Variants in ARHGAP10 observed in about 807,000 individuals in gnomAD.
ARHGAP10 encodes the protein rho GTPase-activating protein 10.
ARHGAP10 carries 87 observed loss-of-function variants against 108.6 expected under a neutral mutation model. The observed-to-expected ratio is 0.80, with a 90% CI of 0.67 to 0.96. The LOEUF (loss-of-function observed/expected upper bound fraction) is 0.96, where lower values mean the gene tolerates loss of function less well. Among genes scored for constraint, ARHGAP10 ranks in the 40% least tolerant of loss-of-function variants. ARHGAP10 has a pLI of 0.00. For synonymous variants in ARHGAP10, 347 were observed against 341.1 expected (o/e 1.02, Z -0.19); for missense variants, 939 against 954.5 (o/e 0.98, Z 0.21).
At chr4:147,910,492 G>T (rs72959712) in intron 12 of ARHGAP10, among the ~76,000 whole-genome samples, 5,448 of 152,234 alleles carry the variant, frequency 0.036, 320 homozygotes, top group African/African-American at 0.12. Context: ...TCGAGGCCCT[G>T]TTTCCTAGCC....
intron 20 of ARHGAP10, among the ~76,000 whole-genome samples, chr4:148,059,245 C>T (rs1729495604): frequency 6.6e-6 from 1 of 152,146 alleles, no homozygotes; most frequent in Non-Finnish European, 1.5e-5. Context: ...CTGTATATTT[C>T]TTCTGTCTTG....
At chr4:147,751,190 C>CA (rs35941586) in intron 1 of ARHGAP10, among the ~76,000 whole-genome samples, 5 of 150,344 alleles carry the variant, frequency 3.3e-5, no homozygotes, top group East Asian at 2.0e-4. Context: ...AAACCAAAAA[C>CA]AAAAAAAACA....
intron 4 of ARHGAP10, among the ~76,000 whole-genome samples, chr4:147,848,074 C>T (rs906742599): frequency 2.1e-5 from 3 of 141,762 alleles, no homozygotes; most frequent in East Asian, 2.1e-4. Context: ...TTTCCCCCCA[C>T]GTGGCTGGGG....
At chr4:147,926,776 A>G (rs1055938976) in intron 13 of ARHGAP10, among the ~76,000 whole-genome samples, 2 of 152,192 alleles carry the variant, frequency 1.3e-5, no homozygotes, top group African/African-American at 2.4e-5. Context: ...AAGGGAATCC[A>G]TAAGAGGGGA....
intron 1 of ARHGAP10, among the ~76,000 whole-genome samples, chr4:147,814,149 C>A (rs551318659): frequency 5.8e-4 from 89 of 152,270 alleles, no homozygotes; most frequent in African/African-American, 2.0e-3. Context: ...TCTTTGTATT[C>A]GTACAGCACC....
At chr4:147,878,570 T>C (rs1735179898) in intron 8 of ARHGAP10, among the ~76,000 whole-genome samples, 1 of 152,160 alleles carries the variant, frequency 6.6e-6, no homozygotes, top group South Asian at 2.1e-4. Flanking sequence ...CCATCTCATA[T>C]ATGGGATGGA....
chr4:147,906,615 G>GAT lies in ARHGAP10; in HGVS notation c.1035-20_1035-19dup, dbSNP rs767974708. ...CCTTTTAGTGGCCAAGGGGTAACCT[G>GAT]ATATGTTACTGGTGTCTTTCAGGCC... is the stretch of plus-strand genomic sequence containing the variant. On this transcript the variant is annotated intron_variant, in intron 10 of 22. Coordinates refer to ENST00000336498, the MANE Select transcript of ARHGAP10 (RefSeq NM_024605.4). The GAT allele has an allele frequency of 1.9e-6, 3 of 1,612,542 alleles. No homozygotes were observed. The Admixed American group carries it at 5.0e-5, about 27-fold the overall frequency.
intron 10 of ARHGAP10, among the ~76,000 whole-genome samples, chr4:147,892,903 A>G (rs1249169680): frequency 2.0e-5 from 3 of 152,200 alleles, no homozygotes; most frequent in Non-Finnish European, 4.4e-5. Flanking sequence ...GGTAGAGGGC[A>G]GCTGTGCTGC....
At chr4:147,775,552 G>C (rs1050487990) in intron 1 of ARHGAP10, among the ~76,000 whole-genome samples, 10 of 152,196 alleles carry the variant, frequency 6.6e-5, no homozygotes, top group Non-Finnish European at 1.3e-4. Flanking sequence ...CCTGGTAGGA[G>C]AAAGGTGATT....
At chr4:148,056,071 C>CT (rs1729352242) in intron 20 of ARHGAP10, among the ~76,000 whole-genome samples, 2 of 152,202 alleles carry the variant, frequency 1.3e-5, no homozygotes, top group African/African-American at 4.8e-5. Context: ...TTGTCTGTGG[C>CT]TGCTTTTTCA....
chr4:147,958,545 A>G lies in ARHGAP10; in HGVS notation c.1450+3171A>G, dbSNP rs931159044. 2.6e-5 allele frequency among the ~76,000 whole-genome samples: 4 copies of G among 152,214 alleles called. No individual in the cohort carries two copies. In the East Asian group the frequency reaches 7.7e-4, roughly 29 times the overall value. On this transcript the variant is annotated intron_variant, in intron 16 of 22. Coordinates refer to ENST00000336498, the MANE Select transcript of ARHGAP10 (RefSeq NM_024605.4). ...ATATCTGGGAAGCAAGACAAAAATC[A>G]TGTGATTCTTGCTGGGGAAGGGCTT...
intron 1 of ARHGAP10, among the ~76,000 whole-genome samples, chr4:147,785,072 C>T (rs1361746368): frequency 1.2e-4 from 11 of 91,950 alleles, no homozygotes; most frequent in Admixed American, 5.4e-4. Flanking sequence ...AATGTATGGA[C>T]GACTATTTTC....
At chr4:147,768,286 G>A (rs1729913658) in intron 1 of ARHGAP10, among the ~76,000 whole-genome samples, 2 of 152,154 alleles carry the variant, frequency 1.3e-5, no homozygotes, top group Admixed American at 6.5e-5. Context: ...CAGGCTGAAT[G>A]AATCATGGAG....
chr4:147,742,476 CTTTT>C (rs11420720), intron 1 of ARHGAP10, among the ~76,000 whole-genome samples: 1 of 86,494 alleles, frequency 1.2e-5, no homozygotes, highest in Non-Finnish European at 2.0e-5. Flanking sequence ...TCTGTGAACA[CTTTT>C]TTTTTTTTTT....
intron 18 of ARHGAP10, among the ~76,000 whole-genome samples, chr4:148,016,967 G>A (rs186408323): frequency 1.4e-5 from 2 of 143,842 alleles, no homozygotes; most frequent in African/African-American, 5.1e-5. Context: ...GCAACATGGT[G>A]AAACCTCATC....
chr4:147,950,544 C>G (rs564936586), intron 15 of ARHGAP10, among the ~76,000 whole-genome samples: 34 of 152,242 alleles, frequency 2.2e-4, no homozygotes, highest in Non-Finnish European at 4.6e-4. Flanking sequence ...ACCCAGCTAT[C>G]TTATTGGATG....
chr4:147,812,205 T>C (rs1732056644), intron 1 of ARHGAP10, among the ~76,000 whole-genome samples: 1 of 152,138 alleles, frequency 6.6e-6, no homozygotes, highest in Admixed American at 6.6e-5. Flanking sequence ...TTTTTTAGCA[T>C]TTCTAAAAGG....
chr4:147,925,043 A>G (rs1002352890), intron 13 of ARHGAP10, among the ~76,000 whole-genome samples: 4 of 152,084 alleles, frequency 2.6e-5, no homozygotes, highest in Admixed American at 2.0e-4. Flanking sequence ...TGTTAATTTT[A>G]TATGGCTCTT....
At chr4:147,934,559 G>A (rs1449342654) in intron 13 of ARHGAP10, among the ~76,000 whole-genome samples, 1 of 152,182 alleles carries the variant, frequency 6.6e-6, no homozygotes, top group Non-Finnish European at 1.5e-5. Flanking sequence ...TACCCTGGTG[G>A]GTGCAGTGGC....
Sources: allele counts gnomAD v4.1 joint callset (sites outside exome capture counted in the v4.1 genomes callset), GRCh38; gene constraint gnomAD v4.1.1; transcripts MANE v1.5; gene names NCBI Gene and HGNC (gene_info 2026-07-23, HGNC 2026-07-21).